ATM: variants seen among roughly 807,000 people sequenced by gnomAD.
The protein encoded by ATM is serine-protein kinase ATM.
Under a neutral mutation model 387.0 loss-of-function variants are expected in ATM, and 308 were observed. The ratio of observed to expected loss-of-function variants is 0.80; its 90% confidence interval spans 0.73 to 0.87. ATM has a LOEUF of 0.87. ATM is among the 40% of genes least tolerant of loss of function. The probability of loss-of-function intolerance (pLI) is 0.00; values close to 1 mark genes in which losing one functional copy is unlikely to be tolerated. For missense variants in ATM, 3,312 were observed against 3,560.9 expected (o/e 0.93, Z 1.78); for synonymous variants, 1,156 against 1,187.3 (o/e 0.97, Z 0.54).
At position 108,247,038 on chromosome 11, in the gene ATM, A is replaced by G. The variant is rs1555068422; in HGVS notation, c.976A>G (p.Ile326Val). 5 of 1,613,734 alleles carry G rather than the reference A, an allele frequency of 3.1e-6. No homozygotes were observed. In the South Asian group the frequency reaches 4.4e-5, roughly 14 times the overall value. Residue 326 changes from isoleucine to valine, a missense_variant, in exon 8 of 63, where the codon ATA becomes GTA. Transcript: ENST00000675843. Reference protein sequence around the residue: ...YDLLVNEISHIGSRGKYSSGF... With the variant: ...YDLLVNEISHVGSRGKYSSGF... ...TCTGCTAGTGAATGAGATAAGTCATATAGGAAGTAGAGGAAAGTATTCTTC... is the reference window on the plus strand; with the variant it reads ...TCTGCTAGTGAATGAGATAAGTCATGTAGGAAGTAGAGGAAAGTATTCTTC...
intron 37 of ATM, among the ~76,000 whole-genome samples, chr11:108,306,318 G>A (rs1474717482): frequency 6.6e-6 from 1 of 151,960 alleles, no homozygotes; most frequent in Admixed American, 6.6e-5. Context: ...CCACTGAAAT[G>A]AAAATCCTAA....
Position 108,288,879 on chromosome 11 carries a change from G to A in ATM, c.4110-98G>A, listed in dbSNP as rs890329049. 31 of 1,422,768 alleles carry A rather than the reference G, an allele frequency of 2.2e-5. No homozygotes were observed. The African/African-American group carries it at 2.7e-4, about 12-fold the overall frequency. 88.1% of individuals were successfully genotyped at this position (1,422,768 alleles called of 1,614,324 possible). ...AGTAGAAAAATGGTTTTTGAATTTG[G>A]GGGTTATTAAAATCTAAATTTTCAT... On this transcript the variant is annotated intron_variant, in intron 27 of 62. Transcript: ENST00000675843.
Position 108,301,939 on chromosome 11 carries a change from A to C in ATM, c.5319+150A>C, listed in dbSNP as rs80195777. 7.6e-4 allele frequency: 719 copies of C among 951,184 alleles called. 1 individual carries two copies. The African/African-American group carries it at 0.011, about 14-fold the overall frequency. The allele number at this position is 951,184 out of a possible 1,614,324, so 58.9% of individuals were successfully genotyped here. The stretch of plus-strand genomic sequence containing the variant: ...AATTTAAGCCATATTTCATAAATCC[A>C]GGGAATGTGTTATTTTTAATTTATT... On this transcript the variant is annotated intron_variant, in intron 35 of 62. Transcript: ENST00000675843.
At chr11:108,226,724 T>A (rs1414382051) in intron 1 of ATM, 1 of 152,120 alleles carries the variant, frequency 6.6e-6, no homozygotes, top group African/African-American at 2.4e-5. Context: ...TTTTTTTTCT[T>A]TGAGACGGAG....
intron 45 of ATM, among the ~76,000 whole-genome samples, chr11:108,321,920 T>A (rs1253822320): frequency 1.3e-5 from 2 of 152,214 alleles, no homozygotes; most frequent in Non-Finnish European, 2.9e-5. Flanking sequence ...AATTTAAGTT[T>A]TAAAAATTCA....
At chr11:108,245,635 T>C (rs1164231470) in intron 7 of ATM, among the ~76,000 whole-genome samples, 1 of 152,020 alleles carries the variant, frequency 6.6e-6, no homozygotes, top group Non-Finnish European at 1.5e-5. Flanking sequence ...CCAGAAGGTA[T>C]AGTGCTTTTC....
At chr11:108,299,497 A>G (rs2083303295) in intron 33 of ATM, 3 of 438,598 alleles carry the variant, frequency 6.8e-6, no homozygotes, top group African/African-American at 6.1e-5. Flanking sequence ...GGGCTTTACC[A>G]TGTTGGCCAG....
rs1202439616 is a variant in ATM at position 108,368,282 on chromosome 11, C to G, written c.*2774C>G. ...CCAGCCTTGGCGACAGAGCAAGACT[C>G]TGCCTCAAAAAAAAAAAAAAAAAGG... On this transcript the variant is annotated 3_prime_UTR_variant, in exon 63 of 63. Transcript: ENST00000675843. 3.5e-5 allele frequency: 7 copies of G among 199,856 alleles called. No individual in the cohort carries two copies. In the Admixed American group the frequency reaches 4.4e-4, roughly 12 times the overall value. 12.4% of individuals were successfully genotyped at this position (199,856 alleles called of 1,614,324 possible). A position where few individuals can be genotyped will look rare whatever the true frequency, so the allele number is the denominator to read the frequency against.
At position 108,347,452 on chromosome 11, in the gene ATM, A is replaced by G. The variant is rs1277625429; in HGVS notation, c.8671+87A>G. ...GTTTGCCTACCAAGATATTACAAATATAAGAGACAGATAAATTGAAGCAGT... is the reference window on the plus strand; with the variant it reads ...GTTTGCCTACCAAGATATTACAAATGTAAGAGACAGATAAATTGAAGCAGT... On this transcript the variant is annotated intron_variant, in intron 59 of 62. Coordinates refer to ENST00000675843, the MANE Select transcript of ATM (RefSeq NM_000051.4). 4.5e-6 allele frequency: 5 copies of G among 1,113,590 alleles called. No homozygotes were observed. The Admixed American group carries it at 5.7e-5, about 13-fold the overall frequency. The allele number at this position is 1,113,590 out of a possible 1,614,324, so 69.0% of individuals were successfully genotyped here.
intron 4 of ATM, chr11:108,229,715 T>C: frequency 5.1e-6 from 1 of 196,206 alleles, no homozygotes; most frequent in Non-Finnish European, 1.0e-5. Context: ...GGTGTCACTC[T>C]GTCACCCAGG....
At chr11:108,233,804 G>A (rs1051649106) in intron 4 of ATM, among the ~76,000 whole-genome samples, 4 of 151,864 alleles carry the variant, frequency 2.6e-5, no homozygotes, top group Admixed American at 2.0e-4. Flanking sequence ...TCATAATGGG[G>A]CCACTGCACT....
rs762549039 is a variant in ATM at position 108,282,900 on chromosome 11, T to C, written c.3746+21T>C. ...TATAGGTAAGTTTATACATGACATA[T>C]GTGAAATTTGTTTAATTTAAAATTA... is the stretch of plus-strand genomic sequence containing the variant. On this transcript the variant is annotated intron_variant, in intron 25 of 62. Transcript: ENST00000675843. 5 of 1,429,046 alleles carry C rather than the reference T, an allele frequency of 3.5e-6. No homozygotes were observed. In the South Asian group the frequency reaches 5.9e-5, roughly 17 times the overall value. 88.5% of individuals were successfully genotyped at this position (1,429,046 alleles called of 1,614,324 possible). A position where few individuals can be genotyped will look rare whatever the true frequency, so the allele number is the denominator to read the frequency against.
At chr11:108,252,724 C>G in intron 11 of ATM, 93 bp from the exon 12 acceptor site, 1 of 893,688 alleles carries the variant, frequency 1.1e-6, no homozygotes, top group Non-Finnish European at 1.8e-6. Context: ...TTTTAGAAGT[C>G]AAGATTTATA....
At chr11:108,228,631 A>G (rs1442984182) in intron 3 of ATM, among the ~76,000 whole-genome samples, 1 of 152,254 alleles carries the variant, frequency 6.6e-6, no homozygotes, top group South Asian at 2.1e-4. Context: ...ATTTGAAAGC[A>G]TATAAAATGA....
intron 3 of ATM, among the ~76,000 whole-genome samples, chr11:108,228,750 A>G (rs530513091): frequency 3.3e-5 from 5 of 152,234 alleles, no homozygotes; most frequent in African/African-American, 7.2e-5. Context: ...TGGTAGGTCA[A>G]ATATGCACCC....
In ATM at chr11:108,227,767, TATTTTC is replaced by T; in HGVS notation, c.73-7_73-2del. ...TAGTAACCCATTATTATTTCCTTTTTATTTTCAGAAAGAAGTTGAGAAATTTAAGCG... is the reference window on the plus strand; with the variant it reads ...TAGTAACCCATTATTATTTCCTTTTTAGAAAGAAGTTGAGAAATTTAAGCG... On this transcript the variant is annotated splice_region_variant and splice_polypyrimidine_tract_variant and intron_variant, in intron 2 of 62. Coordinates refer to ENST00000675843, the MANE Select transcript of ATM (RefSeq NM_000051.4). The T allele has an allele frequency of 6.2e-7, 1 of 1,613,370 alleles. No homozygotes were observed. The highest frequency in any genetic ancestry group is 8.5e-7 in the Non-Finnish European group (1 of 1,179,476).
intron 36 of ATM, 126 bp downstream of exon 36, chr11:108,303,155 G>T: frequency 1.0e-6 from 1 of 985,796 alleles, no homozygotes; most frequent in Non-Finnish European, 1.5e-6. Flanking sequence ...ATTTATTAAA[G>T]TGAGCATCCG....
intron 16 of ATM, among the ~76,000 whole-genome samples, chr11:108,262,454 G>C (rs956762231): frequency 1.3e-5 from 2 of 152,140 alleles, no homozygotes; most frequent in African/African-American, 4.8e-5. Flanking sequence ...GTCACCACCA[G>C]GCCTGCCTTA....
chr11:108,270,371 C>G (rs1404493859), intron 18 of ATM, among the ~76,000 whole-genome samples: 1 of 152,210 alleles, frequency 6.6e-6, no homozygotes, highest in Non-Finnish European at 1.5e-5. Flanking sequence ...GTTTCAGAAT[C>G]TTGCTCAAGC....
Sources: allele counts gnomAD v4.1 joint callset (sites outside exome capture counted in the v4.1 genomes callset), GRCh38; gene constraint gnomAD v4.1.1; transcripts MANE v1.5; gene names NCBI Gene and HGNC (gene_info 2026-07-23, HGNC 2026-07-21).